UGT2B7: variants seen among roughly 807,000 people sequenced by gnomAD.
UGT2B7 encodes the protein UDP glucuronosyltransferase family 2 member B7.
A neutral mutation model predicts 51.9 loss-of-function variants in UGT2B7; 51 were observed. The observed-to-expected ratio is 0.98, with a 90% CI of 0.78 to 1.24. The LOEUF (loss-of-function observed/expected upper bound fraction) is 1.24, where lower values mean the gene tolerates loss of function less well. Among genes scored for constraint, UGT2B7 ranks in the 50% most tolerant of loss-of-function variants. UGT2B7 has a pLI of 0.00. For synonymous variants in UGT2B7, 225 were observed against 211.6 expected (o/e 1.06, Z -0.55); for missense variants, 727 against 628.4 (o/e 1.16, Z -1.68).
In UGT2B7 at chr4:69,081,645, T is replaced by G. The variant is rs575058789; in HGVS notation, c.-158-7827T>G. On this transcript the variant is annotated intron_variant, in intron 1 of 5. Transcript: ENST00000502942. ...TTCCAAACATCAGGACTTCTCTCCT[T>G]CTGTGATTTGTTTCCTTTAGCCACT... is the stretch of plus-strand genomic sequence containing the variant. Among the ~76,000 whole-genome samples the G allele has an allele frequency of 1.2e-4, 18 of 152,226 alleles. No homozygotes were observed. The East Asian group carries it at 3.5e-3, about 29-fold the overall frequency.
chr4:69,103,159 A>T (rs979184625), intron 3 of UGT2B7, among the ~76,000 whole-genome samples: 1 of 152,102 alleles, frequency 6.6e-6, no homozygotes, highest in Non-Finnish European at 1.5e-5. Context: ...AAATATGCTG[A>T]CAATAAATTG....
intron 3 of UGT2B7, among the ~76,000 whole-genome samples, chr4:69,105,953 T>C (rs1210927726): frequency 6.6e-6 from 1 of 152,038 alleles, no homozygotes; most frequent in Non-Finnish European, 1.5e-5. Context: ...ATTTGGAAAA[T>C]GAAAACTAAT....
At chr4:69,108,373 T>C in intron 5 of UGT2B7, 51 bp downstream of exon 5, 2 of 1,588,378 alleles carry the variant, frequency 1.3e-6, no homozygotes, top group Non-Finnish European at 1.7e-6. Flanking sequence ...TAGCTTCTCT[T>C]GTCAATAGTG....
chr4:69,099,173 G>T (rs1719344451), intron 2 of UGT2B7, among the ~76,000 whole-genome samples: 1 of 147,028 alleles, frequency 6.8e-6, no homozygotes, highest in Admixed American at 7.0e-5. Context: ...GGAGATAATA[G>T]AAAGTATCCT....
At chr4:69,063,168 A>T (rs1334074116) in intron 1 of UGT2B7, among the ~76,000 whole-genome samples, 3 of 150,704 alleles carry the variant, frequency 2.0e-5, no homozygotes, top group African/African-American at 7.4e-5. Flanking sequence ...AAATACAAAA[A>T]ATTAGCCGGG....
chr4:69,106,232 T>C (rs1439532258), intron 3 of UGT2B7, among the ~76,000 whole-genome samples: 4 of 152,114 alleles, frequency 2.6e-5, no homozygotes, highest in Non-Finnish European at 5.9e-5. Context: ...AATCAGTTAA[T>C]TATTTTTCCT....
At chr4:69,101,849 T>C (rs1719427657) in intron 2 of UGT2B7, among the ~76,000 whole-genome samples, 1 of 152,180 alleles carries the variant, frequency 6.6e-6, no homozygotes, top group Admixed American at 6.5e-5. Context: ...ACTAGGAATG[T>C]TACGTGGTGT....
chr4:69,058,281 G>A (rs1005931810), intron 1 of UGT2B7, among the ~76,000 whole-genome samples: 1 of 152,162 alleles, frequency 6.6e-6, no homozygotes, highest in Non-Finnish European at 1.5e-5. Flanking sequence ...TGCCTCTGAG[G>A]AGTCAAGCTC....
intron 1 of UGT2B7, among the ~76,000 whole-genome samples, chr4:69,052,228 A>G (rs1018106081): frequency 6.6e-6 from 1 of 152,094 alleles, no homozygotes; most frequent in African/African-American, 2.4e-5. Context: ...CACCAAGACC[A>G]GTTTCCATAC....
At chr4:69,087,841 G>A (rs748443602) in intron 1 of UGT2B7, among the ~76,000 whole-genome samples, 1 of 151,608 alleles carries the variant, frequency 6.6e-6, no homozygotes, top group Non-Finnish European at 1.5e-5. Flanking sequence ...GTTTAATATG[G>A]TATAAACCTT....
intron 1 of UGT2B7, among the ~76,000 whole-genome samples, chr4:69,054,618 T>C (rs1336952199): frequency 2.0e-5 from 3 of 151,964 alleles, no homozygotes; most frequent in African/African-American, 7.3e-5. Flanking sequence ...TTTATTCTAG[T>C]AGGCCCAACC....
In UGT2B7 at chr4:69,081,025, C is replaced by T. The variant is rs556667979; in HGVS notation, c.-158-8447C>T. On this transcript the variant is annotated intron_variant, in intron 1 of 5. Transcript: ENST00000502942. ...TCTAATTCATATCTTGAAACTCTATCACTTTACCCAACAATGAGTCTCCAA... is the reference window on the plus strand; with the variant it reads ...TCTAATTCATATCTTGAAACTCTATTACTTTACCCAACAATGAGTCTCCAA... 3.3e-5 allele frequency among the ~76,000 whole-genome samples: 5 copies of T among 152,240 alleles called. No individual in the cohort carries two copies. The East Asian group carries it at 9.7e-4, about 29-fold the overall frequency.
At chr4:69,055,032 A>G (rs375347260) in intron 1 of UGT2B7, among the ~76,000 whole-genome samples, 22 of 145,294 alleles carry the variant, frequency 1.5e-4, no homozygotes, top group African/African-American at 4.9e-4. Context: ...GCGTGTTATG[A>G]CTCACTGTAA....
chr4:69,104,735 T>C (rs1367312931), intron 3 of UGT2B7, among the ~76,000 whole-genome samples: 3 of 152,274 alleles, frequency 2.0e-5, no homozygotes, highest in Admixed American at 6.5e-5. Flanking sequence ...ATTTGACCCT[T>C]TTGTTTAAGA....
chr4:69,109,426 T>C (rs1320925982), intron 5 of UGT2B7, among the ~76,000 whole-genome samples: 2 of 152,138 alleles, frequency 1.3e-5, no homozygotes, highest in African/African-American at 4.8e-5. Context: ...GTTACAGCCT[T>C]CTTAGTGGGT....
rs370803522 is a variant in UGT2B7 at position 69,112,747 on chromosome 4, G to C, written c.*11G>C. ...GGAAAAAATGATTAGTTATATCTGA[G>C]ATTTGAAGCTGGAAAACCTGATAGG... On this transcript the variant is annotated 3_prime_UTR_variant, in exon 6 of 6. Transcript: ENST00000305231. 6.2e-6 allele frequency: 10 copies of C among 1,611,306 alleles called. No individual in the cohort carries two copies. The African/African-American group carries it at 1.2e-4, about 20-fold the overall frequency.
intron 1 of UGT2B7, among the ~76,000 whole-genome samples, chr4:69,057,557 A>T (rs1296962303): frequency 1.3e-5 from 2 of 152,244 alleles, no homozygotes; most frequent in African/African-American, 2.4e-5. Flanking sequence ...TAAAATCAGG[A>T]TCTCAAAGGG....
intron 1 of UGT2B7, among the ~76,000 whole-genome samples, chr4:69,063,725 T>C (rs1346375566): frequency 6.6e-6 from 1 of 152,122 alleles, no homozygotes; most frequent in East Asian, 1.9e-4. Flanking sequence ...GTCTCCAGAT[T>C]CCCTCTTAGG....
rs531651998 is a variant in UGT2B7, at chr4:69,052,240, T to C, written c.-159+638T>C. ...AGGCACCAAGACCAGTTTCCATACA[T>C]AGACAGTTACAGCTGTCTTTAGACC... is the stretch of plus-strand genomic sequence containing the variant. On this transcript the variant is annotated intron_variant, in intron 1 of 5. Coordinates refer to the UGT2B7 transcript ENST00000502942. Among the ~76,000 whole-genome samples the C allele has an allele frequency of 9.2e-5, 14 of 151,972 alleles. No homozygotes were observed. In the South Asian group the frequency reaches 2.7e-3, roughly 29 times the overall value.
Sources: allele counts gnomAD v4.1 joint callset (sites outside exome capture counted in the v4.1 genomes callset), GRCh38; gene constraint gnomAD v4.1.1; transcripts MANE v1.5; gene names NCBI Gene and HGNC (gene_info 2026-07-23, HGNC 2026-07-21).